Variants in GRK3 observed in about 807,000 individuals in gnomAD.
GRK3 encodes the protein adrenergic, beta, receptor kinase 2.
Under a neutral mutation model 95.7 loss-of-function variants are expected in GRK3, and 54 were observed. The observed-to-expected ratio is 0.56, with a 90% confidence interval of 0.45 to 0.71. The LOEUF (loss-of-function observed/expected upper bound fraction) is 0.71. Among genes scored for constraint, GRK3 ranks in the 30% least tolerant of loss-of-function variants. The pLI is 0.00. For synonymous variants in GRK3, 281 were observed against 290.8 expected, an observed-to-expected ratio of 0.97 and a Z score of 0.34; for missense variants, 649 against 851.2, an observed-to-expected ratio of 0.76 and a Z score of 2.96.
chr22:25,645,968 T>TA (rs35542764), intron 3 of GRK3, among the ~76,000 whole-genome samples: 1 of 151,610 alleles, frequency 6.6e-6, no homozygotes, highest in South Asian at 2.1e-4. Context: ...GACAGGGTCC[T>TA]AAAAAATGAC....
At chr22:25,649,124 G>A (rs2084809617) in intron 3 of GRK3, 2 of 1,510,042 alleles carry the variant, frequency 1.3e-6, no homozygotes, top group African/African-American at 1.4e-5. Context: ...TGATGAATCT[G>A]TGTTGGAAGA....
intron 8 of GRK3, among the ~76,000 whole-genome samples, chr22:25,678,417 G>T (rs924602575): frequency 6.6e-6 from 1 of 152,048 alleles, no homozygotes; most frequent in Non-Finnish European, 1.5e-5. Context: ...TCGTGCCACT[G>T]CACTCCAGCC....
At chr22:25,663,742 T>C in intron 5 of GRK3, 38 bp downstream of exon 5, 1 of 1,430,706 alleles carries the variant, frequency 7.0e-7, no homozygotes. Flanking sequence ...AGATAATATT[T>C]GCTTAACACT....
intron 6 of GRK3, among the ~76,000 whole-genome samples, chr22:25,668,379 T>C (rs1290846669): frequency 3.3e-5 from 5 of 152,258 alleles, no homozygotes; most frequent in African/African-American, 9.6e-5. Context: ...GCATTGACAC[T>C]GACTTTATCA....
At chr22:25,606,945 A>G (rs1285887599) in intron 2 of GRK3, among the ~76,000 whole-genome samples, 3,482 of 152,000 alleles carry the variant, frequency 0.023, 36 homozygotes, top group East Asian at 0.034. Context: ...AGCTGGTAAT[A>G]CACATGAAGC....
chr22:25,619,692 C>T (rs1245303283), intron 2 of GRK3, among the ~76,000 whole-genome samples: 1 of 119,704 alleles, frequency 8.4e-6, no homozygotes, highest in African/African-American at 3.3e-5. Flanking sequence ...TAGGATCTGG[C>T]TGTTGCCCAG....
chr22:25,647,340 G>A, intron 3 of GRK3: 3 of 1,258,660 alleles, frequency 2.4e-6, no homozygotes, highest in Non-Finnish European at 3.5e-6. Flanking sequence ...GTCAGTACAA[G>A]GGTGAGCCAT....
At chr22:25,569,290 C>T (rs1189855734) in intron 1 of GRK3, among the ~76,000 whole-genome samples, 1 of 152,198 alleles carries the variant, frequency 6.6e-6, no homozygotes, top group Non-Finnish European at 1.5e-5. Context: ...TTTGTTCTGA[C>T]CTTTCAGTTA....
chr22:25,604,690 G>A (rs531680227), intron 2 of GRK3, among the ~76,000 whole-genome samples: 24 of 152,342 alleles, frequency 1.6e-4, no homozygotes, highest in South Asian at 6.2e-4. Context: ...TGAACTCAGC[G>A]TTGCTGAATG....
At chr22:25,657,775 A>G (rs2084882950) in intron 3 of GRK3, among the ~76,000 whole-genome samples, 1 of 152,000 alleles carries the variant, frequency 6.6e-6, no homozygotes, top group African/African-American at 2.4e-5. Flanking sequence ...TTTCTACCTC[A>G]ATCTTTCTTT....
chr22:25,620,124 A>C (rs2146356523), intron 2 of GRK3, among the ~76,000 whole-genome samples: 1 of 151,652 alleles, frequency 6.6e-6, no homozygotes, highest in East Asian at 2.0e-4. Context: ...CCCTGTACAG[A>C]GACAGAGGGA....
chr22:25,722,421 C>T lies in GRK3; in HGVS notation c.2038C>T (p.Leu680Phe), dbSNP rs537834858. ...TACTGTGGAGCTCCCAAAGCCATCC[C>T]TCTGTCACAGAAACAGCAACGGCCT... is the stretch of plus-strand genomic sequence containing the variant. ...SGTVELPKPS[L>F]CHRNSNGL Residue 680 changes from leucine (L) to phenylalanine (F), a missense_variant, in exon 21 of 21, where the codon CTC becomes TTC. Leu to Phe is a conservative substitution (Grantham distance 22, BLOSUM62 0). Transcript: ENST00000324198. The T allele has an allele frequency of 1.2e-6, 2 of 1,614,154 alleles. No homozygotes were observed. Among genetic ancestry groups the T allele is most frequent in the Admixed American group, 1.7e-5 (1 of 60,016 alleles).
rs1455563135 is a variant in GRK3 at position 25,687,617 on chromosome 22, C to T, written c.907C>T (p.Leu303=). The T allele has an allele frequency of 5.6e-6, 9 of 1,614,138 alleles. No homozygotes were observed. The highest frequency in any genetic ancestry group is 6.8e-6 in the Non-Finnish European group (8 of 1,180,002). The change falls in exon 11 of 21, where the codon CTG becomes TTG. Residue 303 remains leucine (L), a synonymous_variant. Coordinates refer to ENST00000324198, the MANE Select transcript of GRK3 (RefSeq NM_005160.4). ...EMRFYATEII[L]GLEHMHNRFV... ...GCGGTTTTATGCCACTGAAATCATTCTGGGTCTGGAACACATGCACAATCG... is the reference window on the plus strand; with the variant it reads ...GCGGTTTTATGCCACTGAAATCATTTTGGGTCTGGAACACATGCACAATCG...
intron 1 of GRK3, among the ~76,000 whole-genome samples, chr22:25,578,376 A>C (rs1342976426): frequency 6.6e-6 from 1 of 152,194 alleles, no homozygotes; most frequent in East Asian, 1.9e-4. Flanking sequence ...CACTGGCTAA[A>C]AGTGAGACAC....
intron 10 of GRK3, 129 bp from the exon 11 acceptor site, chr22:25,687,408 C>A: frequency 1.2e-6 from 1 of 851,218 alleles, no homozygotes; most frequent in Non-Finnish European, 1.8e-6. Flanking sequence ...AGGAATGAAA[C>A]ATAGGTATAT....
chr22:25,638,272 T>C (rs2084717740), intron 2 of GRK3, among the ~76,000 whole-genome samples: 2 of 152,226 alleles, frequency 1.3e-5, no homozygotes, highest in African/African-American at 4.8e-5. Context: ...AATACCATCA[T>C]GTAAAGTTAA....
At chr22:25,613,703 G>T (rs2084515723) in intron 2 of GRK3, among the ~76,000 whole-genome samples, 2 of 152,208 alleles carry the variant, frequency 1.3e-5, no homozygotes, top group South Asian at 4.2e-4. Context: ...CTTCTTTTCA[G>T]CTGACTTCAT....
In GRK3 at chr22:25,690,223, C is replaced by A; in HGVS notation, c.992C>A (p.Ala331Glu). 1 of 1,614,080 alleles carries A rather than the reference C, an allele frequency of 6.2e-7. No individual in the cohort carries two copies. Among genetic ancestry groups the A allele is most frequent in the Non-Finnish European group, 8.5e-7 (1 of 1,179,950 alleles). The change falls in exon 12 of 21, where the codon GCA (alanine) becomes GAA (glutamate). Residue 331 changes from alanine (A) to glutamate (E), a missense_variant. Physicochemically the swap from Ala to Glu is moderately radical, Grantham distance 107 (BLOSUM62 -1). Coordinates refer to ENST00000324198, the MANE Select transcript of GRK3 (RefSeq NM_005160.4). ...ANILLDEHGH[A>E]RISDLGLACD... ...ATTCTCTTGGATGAACATGGACACG[C>A]AAGAATATCAGATCTTGGTCTTGCC...
chr22:25,720,696 C>T (rs2085425129), intron 19 of GRK3, among the ~76,000 whole-genome samples: 1 of 151,912 alleles, frequency 6.6e-6, no homozygotes, highest in South Asian at 2.1e-4. Flanking sequence ...AGGTTGGTCT[C>T]GAGCTCTTGA....
Sources: allele counts gnomAD v4.1 joint callset (sites outside exome capture counted in the v4.1 genomes callset), GRCh38; gene constraint gnomAD v4.1.1; transcripts MANE v1.5; gene names NCBI Gene and HGNC (gene_info 2026-07-23, HGNC 2026-07-21).